Variants in SMURF1 observed in about 807,000 individuals in gnomAD.
SMURF1 encodes E3 ubiquitin-protein ligase SMURF1.
Under a neutral mutation model 98.0 loss-of-function variants are expected in SMURF1, and 44 were observed. The ratio of observed to expected loss-of-function variants is 0.45; its 90% CI spans 0.35 to 0.58. The LOEUF is 0.58. Ranked by LOEUF, SMURF1 falls within the 20% of genes least tolerant of loss-of-function variation. The probability of loss-of-function intolerance (pLI) is 0.00; values close to 1 mark genes in which losing one functional copy is unlikely to be tolerated. For missense variants in SMURF1, 687 were observed against 938.4 expected (o/e 0.73, Z 3.50); for synonymous variants, 396 against 374.9 (o/e 1.06, Z -0.65).
chr7:99,112,913 G>GT (rs1475315151), intron 1 of SMURF1, among the ~76,000 whole-genome samples: 1 of 152,044 alleles, frequency 6.6e-6, no homozygotes, highest in African/African-American at 2.4e-5. Context: ...ATTTGAACAG[G>GT]TAAAAAATGA....
chr7:99,035,360 C>T (rs1217456989), intron 16 of SMURF1, 155 bp downstream of exon 16: 5 of 957,608 alleles, frequency 5.2e-6, no homozygotes, highest in African/African-American at 3.3e-5. Context: ...GCCAGGTAAC[C>T]ACCTCTGTAG....
chr7:99,054,980 T>C, intron 5 of SMURF1, 115 bp from the exon 6 acceptor site: 1 of 853,830 alleles, frequency 1.2e-6, no homozygotes, highest in South Asian at 1.4e-5. Context: ...ACGAGGCATA[T>C]GTGTATGCAT....
At chr7:99,070,334 A>G (rs886870941) in intron 1 of SMURF1, among the ~76,000 whole-genome samples, 2 of 152,194 alleles carry the variant, frequency 1.3e-5, no homozygotes, top group African/African-American at 4.8e-5. Flanking sequence ...AAGCTCTTCT[A>G]GAAACACTAT....
chr7:99,063,257 A>ATATATATATAAGATTTATT (rs1796092806), intron 1 of SMURF1, among the ~76,000 whole-genome samples: 1 of 5,568 alleles, frequency 1.8e-4, no homozygotes, highest in African/African-American at 5.4e-4. Flanking sequence ...ATATATATAT[A>ATATATATATAAGATTTATT]TATATATATA....
At chr7:99,131,712 G>C (rs1007718577) in intron 1 of SMURF1, among the ~76,000 whole-genome samples, 3 of 152,098 alleles carry the variant, frequency 2.0e-5, no homozygotes, top group African/African-American at 7.2e-5. Context: ...ACAAGATCCT[G>C]TCTCAAAGAA....
intron 1 of SMURF1, among the ~76,000 whole-genome samples, chr7:99,084,618 C>CATGATG (rs1796639778): frequency 6.6e-6 from 1 of 152,170 alleles, no homozygotes; most frequent in South Asian, 2.1e-4. Flanking sequence ...CTCTTGGCCT[C>CATGATG]ATGATCCACC....
chr7:99,078,958 A>G (rs1563019552), intron 1 of SMURF1, among the ~76,000 whole-genome samples: 1 of 152,252 alleles, frequency 6.6e-6, no homozygotes, highest in South Asian at 2.1e-4. Context: ...ATTGTCTTCC[A>G]TGAAACTGGT....
intron 1 of SMURF1, among the ~76,000 whole-genome samples, chr7:99,091,527 G>T (rs1796811186): frequency 6.6e-6 from 1 of 152,176 alleles, no homozygotes; most frequent in African/African-American, 2.4e-5. Context: ...GGGGAAAAGG[G>T]AAGGTGTGGA....
At chr7:99,090,248 G>A (rs1796779183) in intron 1 of SMURF1, among the ~76,000 whole-genome samples, 3 of 152,318 alleles carry the variant, frequency 2.0e-5, no homozygotes, top group South Asian at 2.1e-4. Context: ...AAGGTGTTTA[G>A]AGAAGGGGCC....
At chr7:99,041,436 C>T (rs1335032047) in intron 12 of SMURF1, among the ~76,000 whole-genome samples, 3 of 152,116 alleles carry the variant, frequency 2.0e-5, no homozygotes, top group Non-Finnish European at 2.9e-5. Flanking sequence ...GAACCAGAGC[C>T]GTTCTGGTCT....
chr7:99,039,353 TC>T (rs1238066635), intron 13 of SMURF1, among the ~76,000 whole-genome samples: 1 of 151,904 alleles, frequency 6.6e-6, no homozygotes, highest in African/African-American at 2.4e-5. Flanking sequence ...TCTTTTTCTT[TC>T]TTTTTTTTTG....
Position 99,038,530 on chromosome 7 carries a change from T to G in SMURF1, c.1551-5A>C, listed in dbSNP as rs758762692. The G allele has an allele frequency of 5.6e-6, 9 of 1,613,482 alleles. No homozygotes were observed. The highest frequency in any genetic ancestry group is 1.3e-5 in the African/African-American group (1 of 74,890). ...ACAGGCGTGATGTCGTTCTCTCTGT[T>G]GAAATAAGACAGAAGGATGTAGGTT... On this transcript the variant is annotated splice_region_variant and splice_polypyrimidine_tract_variant and intron_variant, in intron 13 of 17. Coordinates refer to ENST00000361368, the MANE Select transcript of SMURF1 (RefSeq NM_181349.3).
chr7:99,044,867 G>A (rs747226513), intron 11 of SMURF1, among the ~76,000 whole-genome samples: 2 of 152,326 alleles, frequency 1.3e-5, no homozygotes, highest in African/African-American at 2.4e-5. Context: ...CAAGCACAGC[G>A]GTTCACACCT....
At chr7:99,129,994 AT>A (rs1343036080) in intron 1 of SMURF1, among the ~76,000 whole-genome samples, 5 of 152,254 alleles carry the variant, frequency 3.3e-5, no homozygotes, top group African/African-American at 4.8e-5. Flanking sequence ...TCCTATAAAA[AT>A]CATATTATTG....
At chr7:99,052,654 C>T (rs550238836) in intron 6 of SMURF1, among the ~76,000 whole-genome samples, 9 of 152,280 alleles carry the variant, frequency 5.9e-5, no homozygotes, top group African/African-American at 1.4e-4. Flanking sequence ...AACAGGTGGC[C>T]GGAGTGTCCC....
chr7:99,066,816 C>T (rs533228354), intron 1 of SMURF1, among the ~76,000 whole-genome samples: 2 of 150,654 alleles, frequency 1.3e-5, no homozygotes, highest in Non-Finnish European at 3.0e-5. Context: ...AAGAAATTTG[C>T]TTCAATTCCC....
At chr7:99,040,127 GT>G (rs368950324) in intron 13 of SMURF1, among the ~76,000 whole-genome samples, 4 of 152,088 alleles carry the variant, frequency 2.6e-5, no homozygotes, top group Admixed American at 2.0e-4. Flanking sequence ...GATCTGGTGG[GT>G]TTTTTTGTAT....
At chr7:99,072,311 A>T (rs1001404465) in intron 1 of SMURF1, among the ~76,000 whole-genome samples, 3 of 152,118 alleles carry the variant, frequency 2.0e-5, no homozygotes, top group African/African-American at 7.2e-5. Context: ...GTGTGAGTCA[A>T]CATTTCCAAC....
chr7:99,118,301 C>T (rs559828467), intron 1 of SMURF1, among the ~76,000 whole-genome samples: 9 of 152,222 alleles, frequency 5.9e-5, no homozygotes, highest in African/African-American at 2.2e-4. Flanking sequence ...TTCTTAGGTA[C>T]ATATCCAAGA....
Sources: gnomAD v4.1 joint callset for allele counts (sites outside exome capture counted in the v4.1 genomes callset) on GRCh38, gnomAD v4.1.1 for gene constraint, MANE v1.5 for transcripts, NCBI Gene and HGNC (gene_info 2026-07-23, HGNC 2026-07-21) for gene names.